CRTC1: variants seen among roughly 807,000 people sequenced by gnomAD.
CRTC1 encodes the protein CREB regulated transcription coactivator 1, also known as CREB-regulated transcription coactivator 1.
In CRTC1, 18 loss-of-function variants were observed where a neutral mutation model predicts 66.1. The ratio of observed to expected loss-of-function variants is 0.27; its 90% CI spans 0.19 to 0.40. The LOEUF (loss-of-function observed/expected upper bound fraction) is 0.40, where lower values mean the gene tolerates loss of function less well. Ranked by LOEUF, CRTC1 falls within the 10% of genes least tolerant of loss-of-function variation. The pLI is 1.00. For missense variants in CRTC1, 669 were observed against 887.9 expected, an observed-to-expected ratio of 0.75 and a Z score of 3.13; for synonymous variants, 416 against 398.8, an observed-to-expected ratio of 1.04 and a Z score of -0.51.
At chr19:18,706,782 TG>T (rs1413810347) in intron 1 of CRTC1, among the ~76,000 whole-genome samples, 2 of 152,232 alleles carry the variant, frequency 1.3e-5, no homozygotes, top group African/African-American at 2.4e-5. Context: ...ATGTGCTTAT[TG>T]GCCATTTGTC....
intron 1 of CRTC1, among the ~76,000 whole-genome samples, chr19:18,698,816 G>A (rs2053060850): frequency 2.0e-5 from 3 of 151,642 alleles, no homozygotes; most frequent in African/African-American, 7.3e-5. Flanking sequence ...CAGGCACACG[G>A]TGTGTATTCA....
At chr19:18,725,165 C>T (rs1028180896) in intron 1 of CRTC1, among the ~76,000 whole-genome samples, 3 of 152,158 alleles carry the variant, frequency 2.0e-5, no homozygotes, top group African/African-American at 7.2e-5. Context: ...CTGTGCGAGA[C>T]CCCCTTGCTC....
intron 1 of CRTC1, among the ~76,000 whole-genome samples, chr19:18,714,527 C>T (rs1380592003): frequency 2.6e-5 from 4 of 152,088 alleles, no homozygotes; most frequent in Non-Finnish European, 4.4e-5. Context: ...AGGCTGGTCT[C>T]GAACTCCTGA....
chr19:18,707,685 T>C (rs1436401170), intron 1 of CRTC1, among the ~76,000 whole-genome samples: 1 of 152,298 alleles, frequency 6.6e-6, no homozygotes, highest in Non-Finnish European at 1.5e-5. Context: ...TTTTGGGTAG[T>C]ATTGCCACCT....
At chr19:18,712,540 A>G (rs2053415776) in intron 1 of CRTC1, among the ~76,000 whole-genome samples, 2 of 152,110 alleles carry the variant, frequency 1.3e-5, no homozygotes, top group African/African-American at 4.8e-5. Context: ...GATTATAGGC[A>G]TGAGCCACCA....
chr19:18,729,450 A>T (rs71332136), intron 1 of CRTC1, among the ~76,000 whole-genome samples: 38,659 of 150,196 alleles, frequency 0.26, 5,180 homozygotes, highest in Middle Eastern at 0.3. Flanking sequence ...AAAAAAAAAA[A>T]GAAGTTGGTT....
At chr19:18,701,771 A>G (rs768424262) in intron 1 of CRTC1, among the ~76,000 whole-genome samples, 11 of 151,172 alleles carry the variant, frequency 7.3e-5, no homozygotes, top group Admixed American at 2.0e-4. Flanking sequence ...AGGCCCAGCT[A>G]ATGTTTTTTA....
chr19:18,761,308 C>T (rs1237403592), intron 8 of CRTC1, among the ~76,000 whole-genome samples: 1 of 151,832 alleles, frequency 6.6e-6, no homozygotes, highest in African/African-American at 2.4e-5. Context: ...ACCTGCATCC[C>T]GGGGGTGGCA....
At chr19:18,703,234 T>C (rs575062905) in intron 1 of CRTC1, among the ~76,000 whole-genome samples, 21 of 152,214 alleles carry the variant, frequency 1.4e-4, no homozygotes, top group South Asian at 4.1e-4. Flanking sequence ...GGGGTTTCAC[T>C]GTGTTAGCCA....
intron 1 of CRTC1, among the ~76,000 whole-genome samples, chr19:18,704,964 A>C (rs1478032654): frequency 1.6e-5 from 2 of 128,702 alleles, no homozygotes; most frequent in Non-Finnish European, 3.2e-5. Flanking sequence ...AGCCCCTGGC[A>C]ACCACCATCC....
intron 6 of CRTC1, among the ~76,000 whole-genome samples, chr19:18,759,342 C>T (rs1348004883): frequency 6.6e-6 from 1 of 152,240 alleles, no homozygotes; most frequent in African/African-American, 2.4e-5. Context: ...CTTGGCTTCG[C>T]GCTGGGCATG....
At chr19:18,745,730 C>T (rs1222417032) in intron 2 of CRTC1, 93 bp from the exon 3 acceptor site, 1 of 1,531,990 alleles carries the variant, frequency 6.5e-7, no homozygotes, top group South Asian at 1.1e-5. Context: ...AGTGGGGGGC[C>T]CTGCGATCAG....
At chr19:18,734,521 A>G (rs1419988527) in intron 1 of CRTC1, among the ~76,000 whole-genome samples, 3 of 139,210 alleles carry the variant, frequency 2.2e-5, no homozygotes, top group Non-Finnish European at 1.6e-5. Flanking sequence ...CTGTCTCTAC[A>G]GAAAGAAAAA....
chr19:18,730,386 G>A (rs1215979903), intron 1 of CRTC1, among the ~76,000 whole-genome samples: 1 of 152,028 alleles, frequency 6.6e-6, no homozygotes, highest in Admixed American at 6.5e-5. Flanking sequence ...CTGGACTTTG[G>A]GGTGGAGTCG....
Position 18,765,516 on chromosome 19 carries a change from A to T in CRTC1, c.999A>T (p.Ser333=), listed in dbSNP as rs1269750195. ...QQASPTLSPL[S]PITQAVAMDA... is the part of the protein sequence containing the mutation. Reference sequence around the variant, plus strand: ...CATCGCCCACCCTGTCCCCGCTGTCACCCATCACTCAGGTGCGAGGGCAAG... The same window carrying T: ...CATCGCCCACCCTGTCCCCGCTGTCTCCCATCACTCAGGTGCGAGGGCAAG... Residue 333 remains serine, a synonymous_variant, in exon 9 of 14, where the codon TCA becomes TCT. Transcript: ENST00000321949. 1 of 1,605,628 alleles carries T rather than the reference A, an allele frequency of 6.2e-7. No individual in the cohort carries two copies. Among genetic ancestry groups the T allele is most frequent in the African/African-American group, 1.3e-5 (1 of 74,848 alleles).
intron 6 of CRTC1, among the ~76,000 whole-genome samples, chr19:18,753,857 T>G (rs1190286951): frequency 6.6e-6 from 1 of 152,110 alleles, no homozygotes; most frequent in Non-Finnish European, 1.5e-5. Context: ...CCCAGTACTT[T>G]GGGAGGCCGA....
intron 4 of CRTC1, among the ~76,000 whole-genome samples, chr19:18,749,415 G>A (rs111987396): frequency 9.2e-5 from 14 of 152,346 alleles, no homozygotes; most frequent in African/African-American, 3.1e-4. Flanking sequence ...TTCTTTGGGA[G>A]GTTTCAGCAG....
chr19:18,771,372 C>A lies in CRTC1; in HGVS notation c.1321-70C>A. 1 of 1,383,162 alleles carries A rather than the reference C, an allele frequency of 7.2e-7. No homozygotes were observed. The highest frequency in any genetic ancestry group is 1.3e-5 in the South Asian group (1 of 75,060). 85.7% of individuals were successfully genotyped at this position (1,383,162 alleles called of 1,614,324 possible). A position where few individuals can be genotyped will look rare whatever the true frequency, so the allele number is the denominator to read the frequency against. On this transcript the variant is annotated intron_variant, in intron 10 of 13. Transcript: ENST00000321949. This position sits in a 1 kb window ranked among gnomAD's most constrained non-coding sequence, Gnocchi z 4.6. ...GCCTGGGGGCTGATCAGGCTGCTCC[C>A]GGGAAGCAGGGACTGGAGCCCGGGC...
At chr19:18,711,675 G>A (rs954160835) in intron 1 of CRTC1, among the ~76,000 whole-genome samples, 1 of 152,162 alleles carries the variant, frequency 6.6e-6, no homozygotes, top group Non-Finnish European at 1.5e-5. Flanking sequence ...TGCTGGTCCT[G>A]GGGTGGGTGC....
Sources: allele counts gnomAD v4.1 joint callset (sites outside exome capture counted in the v4.1 genomes callset), GRCh38; gene constraint gnomAD v4.1.1; non-coding constraint Gnocchi (gnomAD v3.1); transcripts MANE v1.5; gene names NCBI Gene and HGNC (gene_info 2026-07-23, HGNC 2026-07-21).